Variants in EXOC6B observed in about 807,000 individuals in gnomAD.
The protein encoded by EXOC6B is exocyst complex component 6B, also known as SEC15 homolog B.
Under a neutral mutation model 113.5 loss-of-function variants are expected in EXOC6B, and 54 were observed. The observed-to-expected ratio is 0.48, with a 90% confidence interval of 0.38 to 0.60. The LOEUF (loss-of-function observed/expected upper bound fraction) is 0.60. Ranked by LOEUF, EXOC6B falls within the 20% of genes least tolerant of loss-of-function variation. The pLI, the probability that EXOC6B is intolerant of heterozygous loss-of-function variation, is 0.00. For missense variants in EXOC6B, 797 were observed against 977.5 expected, an observed-to-expected ratio of 0.82 and a Z score of 2.46; for synonymous variants, 357 against 339.0, an observed-to-expected ratio of 1.05 and a Z score of -0.58.
At chr2:72,805,640 A>G (rs1432860772) in intron 1 of EXOC6B, among the ~76,000 whole-genome samples, 14 of 152,138 alleles carry the variant, frequency 9.2e-5, no homozygotes, top group Admixed American at 9.2e-4. Flanking sequence ...TTGTGGTGAG[A>G]ACATTTAAGA....
chr2:72,596,663 AAGAG>A (rs1280736603), intron 6 of EXOC6B, among the ~76,000 whole-genome samples: 1 of 152,090 alleles, frequency 6.6e-6, no homozygotes, highest in Non-Finnish European at 1.5e-5. Flanking sequence ...TTTTTTAACA[AAGAG>A]AGAGAGATTT....
chr2:72,224,486 T>C (rs1254767369), intron 20 of EXOC6B, among the ~76,000 whole-genome samples: 2 of 152,100 alleles, frequency 1.3e-5, no homozygotes, highest in African/African-American at 2.4e-5. Context: ...AGTACAAAAT[T>C]GGAAACACAC....
At position 72,575,557 on chromosome 2, in the gene EXOC6B, T is replaced by C; in HGVS notation, c.781A>G (p.Thr261Ala). 1 of 1,612,020 alleles carries C rather than the reference T, an allele frequency of 6.2e-7. No homozygotes were observed. Residue 261 changes from threonine to alanine, a missense_variant, in exon 7 of 22, where the codon ACT becomes GCT. Thr to Ala is a moderately conservative substitution (Grantham distance 58, BLOSUM62 0). Coordinates refer to ENST00000272427, the MANE Select transcript of EXOC6B (RefSeq NM_015189.3). ...GAATCCTGTTCAGACTTCGGACTAG[T>C]ACTTTCTATCTCTGTATCAAAGATT... ...YIIFDTEIES[T>A]SPKSEQDSGI...
chr2:72,249,477 T>C (rs1682873993), intron 20 of EXOC6B, among the ~76,000 whole-genome samples: 1 of 152,002 alleles, frequency 6.6e-6, no homozygotes, highest in South Asian at 2.1e-4. Context: ...GGATGAGACC[T>C]TGTCTCTTTT....
intron 8 of EXOC6B, among the ~76,000 whole-genome samples, chr2:72,523,711 G>C (rs1474091408): frequency 6.6e-6 from 1 of 151,130 alleles, no homozygotes; most frequent in Non-Finnish European, 1.5e-5. Flanking sequence ...AACCCGGGAG[G>C]CGGAGCTTGC....
At chr2:72,326,916 G>A (rs1188154196) in intron 20 of EXOC6B, among the ~76,000 whole-genome samples, 3 of 151,988 alleles carry the variant, frequency 2.0e-5, no homozygotes, top group Non-Finnish European at 4.4e-5. Context: ...GTGGCAATAT[G>A]GGTTGAAAGC....
chr2:72,783,019 T>C lies in EXOC6B; in HGVS notation c.114-41550A>G, dbSNP rs112446347. 1.4e-4 allele frequency among the ~76,000 whole-genome samples: 22 copies of C among 152,332 alleles called. 2 individuals are homozygous for C. The highest frequency in any genetic ancestry group is 4.6e-4 in the African/African-American group (19 of 41,576). ...TTATCCCTCTGATATACTGGCTTCT[T>C]TTCCTTCCAATAAATACACTGTAGT... On this transcript the variant is annotated intron_variant, in intron 1 of 21. Transcript: ENST00000272427.
chr2:72,636,106 C>A (rs867748890), intron 6 of EXOC6B, among the ~76,000 whole-genome samples: 1 of 152,002 alleles, frequency 6.6e-6, no homozygotes, highest in Non-Finnish European at 1.5e-5. Context: ...ATCTGCAGTT[C>A]CAGCTACTCA....
intron 8 of EXOC6B, among the ~76,000 whole-genome samples, chr2:72,543,804 C>T (rs568179517): frequency 2.0e-5 from 3 of 152,276 alleles, no homozygotes; most frequent in African/African-American, 7.2e-5. Flanking sequence ...TCTAACCTCA[C>T]CAGGCACTAG....
At position 72,365,110 on chromosome 2, in the gene EXOC6B, T is replaced by C. The variant is rs80185774; in HGVS notation, c.2122+14619A>G. Among the ~76,000 whole-genome samples, 834 of 152,266 alleles carry C rather than the reference T, an allele frequency of 5.5e-3. 3 individuals carry two copies. The highest frequency in any genetic ancestry group is 9.6e-3 in the Non-Finnish European group (654 of 68,016). Reference sequence around the variant, plus strand: ...TATAGAAACAGTTCTGTTGCTGTTATATATTATCATGTCTAGGTGAAAGGC... The same window carrying C: ...TATAGAAACAGTTCTGTTGCTGTTACATATTATCATGTCTAGGTGAAAGGC... On this transcript the variant is annotated intron_variant, in intron 19 of 21. Transcript: ENST00000272427.
At chr2:72,396,020 G>A (rs1489939298) in intron 18 of EXOC6B, among the ~76,000 whole-genome samples, 7 of 151,940 alleles carry the variant, frequency 4.6e-5, no homozygotes, top group Admixed American at 1.3e-4. Flanking sequence ...CTTGAAAACT[G>A]ATTATAGTAA....
At chr2:72,665,812 A>C (rs1402140975) in intron 6 of EXOC6B, among the ~76,000 whole-genome samples, 1 of 152,198 alleles carries the variant, frequency 6.6e-6, no homozygotes, top group Non-Finnish European at 1.5e-5. Context: ...CAACCAGCTA[A>C]TAACACAGTA....
intron 18 of EXOC6B, among the ~76,000 whole-genome samples, chr2:72,401,863 G>A (rs1013763238): frequency 1.3e-5 from 2 of 149,138 alleles, no homozygotes; most frequent in African/African-American, 4.9e-5. Flanking sequence ...TATAAAAACA[G>A]CTAGAGAAAA....
intron 6 of EXOC6B, among the ~76,000 whole-genome samples, chr2:72,604,014 A>G (rs781139362): frequency 8.6e-5 from 13 of 152,024 alleles, no homozygotes; most frequent in Non-Finnish European, 1.9e-4. Flanking sequence ...TTTCATTTAT[A>G]TGTTCCATAA....
chr2:72,621,761 A>G lies in EXOC6B; in HGVS notation c.670-46093T>C, dbSNP rs540141276. On this transcript the variant is annotated intron_variant, in intron 6 of 21. Transcript: ENST00000272427. ...CTTTGTCTCACATGTACATTAATAC[A>G]GATGAATCAGATACATATAGAATAA... 1.2e-3 allele frequency among the ~76,000 whole-genome samples: 176 copies of G among 152,336 alleles called. 1 individual carries two copies. Among genetic ancestry groups the G allele is most frequent in the Middle Eastern group, 6.8e-3 (2 of 294 alleles).
rs1680859783 is a variant in EXOC6B at position 72,735,023 on chromosome 2, A to G, written c.280-1905T>C. ...CTCAAACCAATGTTTGTTACTAGAA[A>G]ACAGTATTCAGCTCAATATAAGAAA... On this transcript the variant is annotated intron_variant, in intron 2 of 21. Coordinates refer to ENST00000272427, the MANE Select transcript of EXOC6B (RefSeq NM_015189.3). Among the ~76,000 whole-genome samples the G allele has an allele frequency of 1.3e-5, 2 of 152,248 alleles. 1 individual carries two copies. Among genetic ancestry groups the G allele is most frequent in the African/African-American group, 4.8e-5 (2 of 41,468 alleles).
chr2:72,338,276 AT>A (rs1688810839), intron 19 of EXOC6B, among the ~76,000 whole-genome samples: 1 of 152,168 alleles, frequency 6.6e-6, no homozygotes, highest in Admixed American at 6.6e-5. Flanking sequence ...GCCTAGCATA[AT>A]TGAGTATCAT....
At chr2:72,206,055 A>G (rs1679823301) in intron 20 of EXOC6B, among the ~76,000 whole-genome samples, 1 of 152,192 alleles carries the variant, frequency 6.6e-6, no homozygotes, top group African/African-American at 2.4e-5. Flanking sequence ...GGATAATAAA[A>G]TGTACATTCA....
At chr2:72,405,578 A>C (rs1387619793) in intron 18 of EXOC6B, among the ~76,000 whole-genome samples, 6 of 152,170 alleles carry the variant, frequency 3.9e-5, no homozygotes, top group East Asian at 1.9e-4. Context: ...ATTTTCAACC[A>C]AGAATTTCAT....
Sources: gnomAD v4.1 joint callset for allele counts (sites outside exome capture counted in the v4.1 genomes callset) on GRCh38, gnomAD v4.1.1 for gene constraint, MANE v1.5 for transcripts, NCBI Gene and HGNC (gene_info 2026-07-23, HGNC 2026-07-21) for gene names.